The following PKHD1 variants were observed in gnomAD, a reference collection of about 807,000 sequenced individuals.
PKHD1 encodes the protein fibrocystin.
A neutral mutation model predicts 412.0 loss-of-function variants in PKHD1; 291 were observed. The ratio of observed to expected loss-of-function variants is 0.71; its 90% confidence interval spans 0.64 to 0.78. The LOEUF is 0.78. PKHD1 is among the 30% of genes least tolerant of loss of function. The pLI, the probability that PKHD1 is intolerant of heterozygous loss-of-function variation, is 0.00. For missense variants in PKHD1, 4,825 were observed against 4,950.7 expected, an observed-to-expected ratio of 0.97 and a Z score of 0.76; for synonymous variants, 1,777 against 1,821.5, an observed-to-expected ratio of 0.98 and a Z score of 0.62.
chr6:51,744,361 G>T (rs1178493662), intron 60 of PKHD1, 24 bp downstream of exon 60: 2 of 1,606,242 alleles, frequency 1.2e-6, no homozygotes, highest in Admixed American at 1.7e-5. Context: ...TCTACCACAG[G>T]CATTGCATTC....
chr6:51,852,000 G>A (rs2151656327), intron 49 of PKHD1, among the ~76,000 whole-genome samples: 1 of 152,140 alleles, frequency 6.6e-6, no homozygotes, highest in South Asian at 2.1e-4. Context: ...TGATGTTAGG[G>A]TATCGATTTG....
chr6:51,639,860 G>T (rs1769114078), intron 63 of PKHD1, among the ~76,000 whole-genome samples: 1 of 152,208 alleles, frequency 6.6e-6, no homozygotes, highest in Non-Finnish European at 1.5e-5. Context: ...GTGTCATAAA[G>T]ATACAATATG....
At position 51,887,923 on chromosome 6, in the gene PKHD1, T is replaced by C. The variant is rs938991158; in HGVS notation, c.6997-678A>G. 5.3e-5 allele frequency among the ~76,000 whole-genome samples: 8 copies of C among 152,368 alleles called. No homozygotes were observed. In the East Asian group the frequency reaches 1.3e-3, roughly 26 times the overall value. The stretch of plus-strand genomic sequence containing the variant: ...GCCCATCTTAATAACTGGTATCTCA[T>C]GCTCAAGCCTCTTTCTAAGCTTCCA... On this transcript the variant is annotated intron_variant, in intron 43 of 66. Transcript: ENST00000371117.
At chr6:52,016,849 G>A (rs1299176303) in intron 34 of PKHD1, among the ~76,000 whole-genome samples, 1 of 152,102 alleles carries the variant, frequency 6.6e-6, no homozygotes, top group African/African-American at 2.4e-5. Context: ...TTTAGAAAAG[G>A]GGGGTTAACT....
rs146499019 is a variant in PKHD1 at position 51,848,669 on chromosome 6, G to A, written c.7912-699C>T. 2.6e-3 allele frequency among the ~76,000 whole-genome samples: 395 copies of A among 152,202 alleles called. 3 individuals are homozygous for A. The highest frequency in any genetic ancestry group is 8.5e-3 in the African/African-American group (352 of 41,540). ...AATCTCAAGGCAAGAAAAGAGAGGC[G>A]TACATCCTTTCTGAAAGCCATGGAG... On this transcript the variant is annotated intron_variant, in intron 49 of 66. Coordinates refer to ENST00000371117, the MANE Select transcript of PKHD1 (RefSeq NM_138694.4).
intron 45 of PKHD1, among the ~76,000 whole-genome samples, chr6:51,885,344 C>T (rs1778042145): frequency 6.6e-6 from 1 of 152,066 alleles, no homozygotes; most frequent in Admixed American, 6.6e-5. Context: ...AGAGTGGTAT[C>T]TTGAGCTAGA....
intron 2 of PKHD1, among the ~76,000 whole-genome samples, chr6:52,083,891 T>C (rs938593285): frequency 6.6e-6 from 1 of 151,952 alleles, no homozygotes; most frequent in Non-Finnish European, 1.5e-5. Flanking sequence ...CCCAAATGAA[T>C]ACAAAATTAT....
intron 11 of PKHD1, 29 bp downstream of exon 11, chr6:52,069,428 A>G (rs1810255120): frequency 6.6e-7 from 1 of 1,520,298 alleles, no homozygotes; most frequent in African/African-American, 1.4e-5. Context: ...GGCACAAGGG[A>G]AGGGGTACTT....
chr6:52,037,634 A>C (rs1337993396), intron 27 of PKHD1, among the ~76,000 whole-genome samples: 8 of 152,206 alleles, frequency 5.3e-5, no homozygotes, highest in Admixed American at 2.6e-4. Flanking sequence ...CCACAATGAA[A>C]TATTCTTCTT....
At chr6:51,976,473 T>C (rs1044650253) in intron 35 of PKHD1, among the ~76,000 whole-genome samples, 1 of 152,228 alleles carries the variant, frequency 6.6e-6, no homozygotes, top group Non-Finnish European at 1.5e-5. Context: ...AGAGTGGTAG[T>C]TGCCAGGTGC....
At chr6:52,053,959 G>T in intron 20 of PKHD1, 79 bp downstream of exon 20, 1 of 1,430,678 alleles carries the variant, frequency 7.0e-7, no homozygotes. Context: ...ATTAGTGCCT[G>T]AGGTGGGTAA....
Position 52,073,480 on chromosome 6 carries a change from A to G in PKHD1, c.510T>C (p.Asp170=), listed in dbSNP as rs1189377511. The change falls in exon 7 of 67, where the codon GAT becomes GAC. Residue 170 remains aspartate (D), a synonymous_variant. Coordinates refer to ENST00000371117, the MANE Select transcript of PKHD1 (RefSeq NM_138694.4). ...ACACTTACCTATCAATGTACTCAGC[A>G]TCAAAATCAAAAGTTTCCAATCTTC... ...ITGRLETFDF[D]AEYIDSPVIL... 1.2e-6 allele frequency: 2 copies of G among 1,604,042 alleles called. No individual in the cohort carries two copies. The highest frequency in any genetic ancestry group is 1.7e-6 in the Non-Finnish European group (2 of 1,170,896).
chr6:51,709,936 C>T (rs1780456088), intron 60 of PKHD1, among the ~76,000 whole-genome samples: 1 of 150,524 alleles, frequency 6.6e-6, no homozygotes, highest in Admixed American at 6.6e-5. Context: ...TGGCTGGGCA[C>T]GGTGGCTCAT....
At chr6:51,724,698 A>G (rs528839403) in intron 60 of PKHD1, among the ~76,000 whole-genome samples, 1 of 152,344 alleles carries the variant, frequency 6.6e-6, no homozygotes, top group Admixed American at 6.5e-5. Context: ...ATGTTATCTT[A>G]TATAGAAAAG....
chr6:51,682,423 G>C (rs534837454), intron 60 of PKHD1, among the ~76,000 whole-genome samples: 7 of 151,968 alleles, frequency 4.6e-5, no homozygotes, highest in Non-Finnish European at 1.0e-4. Context: ...GTGATATAAA[G>C]ATGAAATTTA....
intron 29 of PKHD1, among the ~76,000 whole-genome samples, chr6:52,032,536 C>T (rs1468640284): frequency 1.3e-5 from 2 of 152,018 alleles, no homozygotes; most frequent in African/African-American, 4.8e-5. Flanking sequence ...TACAATAGAA[C>T]CTGCTGTCAA....
At chr6:51,758,312 T>C (rs9382007) in intron 55 of PKHD1, among the ~76,000 whole-genome samples, 48,643 of 152,024 alleles carry the variant, frequency 0.32, 9,670 homozygotes, top group East Asian at 0.7. Context: ...TCCACGTCTA[T>C]GTCCATATAG....
Position 52,033,181 on chromosome 6 carries a change from T to A in PKHD1, c.3229-16A>T. ...CATCTTTCCCCTGAAAAATCAATTT[T>A]AAAAATTAAACCTCAGTTTTATTTT... is the stretch of plus-strand genomic sequence containing the variant. On this transcript the variant is annotated splice_polypyrimidine_tract_variant and intron_variant, in intron 28 of 66. Coordinates refer to ENST00000371117, the MANE Select transcript of PKHD1 (RefSeq NM_138694.4). 3 of 1,605,916 alleles carry A rather than the reference T, an allele frequency of 1.9e-6. No homozygotes were observed. The highest frequency in any genetic ancestry group is 2.2e-5 in the East Asian group (1 of 44,808).
At chr6:52,076,388 AG>A (rs1811333442) in intron 5 of PKHD1, 55 bp from the exon 6 acceptor site, 7 of 1,298,546 alleles carry the variant, frequency 5.4e-6, no homozygotes. Context: ...TCACAAACAC[AG>A]GAGGCACAAG....
Sources: allele counts gnomAD v4.1 joint callset (sites outside exome capture counted in the v4.1 genomes callset), GRCh38; gene constraint gnomAD v4.1.1; transcripts MANE v1.5; gene names NCBI Gene and HGNC (gene_info 2026-07-23, HGNC 2026-07-21).